The following LIMS4 variants were observed in gnomAD, a reference collection of about 807,000 sequenced individuals.
LIMS4 encodes the protein LIM and senescent cell antigen-like-containing domain protein 4.
chr2:110,362,003 C>G, the LIMS4 span: 1 of 1,172,742 alleles, frequency 8.5e-7, no homozygotes, highest in Admixed American at 2.1e-5. Flanking sequence ...GTAGTGCAGA[C>G]AGTTCTTGGT....
At chr2:110,390,175 G>C in the LIMS4 span, among the ~76,000 whole-genome samples, 184 of 132,646 alleles carry the variant, frequency 1.4e-3, no homozygotes, top group Non-Finnish European at 2.1e-3. Flanking sequence ...TGTGCTCCAA[G>C]GTTCTTAGAA....
At chr2:110,367,863 A>T in the LIMS4 span, among the ~76,000 whole-genome samples, 8 of 140,222 alleles carry the variant, frequency 5.7e-5, 2 homozygotes, top group Non-Finnish European at 1.2e-4. Context: ...AGCATAAGGG[A>T]CAGAATGAGA....
the LIMS4 span, among the ~76,000 whole-genome samples, chr2:110,379,201 T>C: frequency 6.6e-6 from 1 of 151,796 alleles, no homozygotes; most frequent in Non-Finnish European, 1.5e-5. Flanking sequence ...CTTGGTTGGT[T>C]GGTTGGTTGC....
At chr2:110,425,601 G>C in the LIMS4 span, among the ~76,000 whole-genome samples, 1 of 141,924 alleles carries the variant, frequency 7.0e-6, no homozygotes, top group East Asian at 2.0e-4. Context: ...GGTTGGCCTG[G>C]TGGAATCACC....
the LIMS4 span, chr2:110,361,115 G>T: frequency 3.3e-6 from 3 of 906,800 alleles, no homozygotes; most frequent in South Asian, 4.2e-5. Context: ...TTTTATTTCT[G>T]TTTCCTCCTC....
the LIMS4 span, chr2:110,361,997 T>C: frequency 7.0e-6 from 8 of 1,138,600 alleles, no homozygotes; most frequent in African/African-American, 1.8e-5. Context: ...CCTTGTGTAG[T>C]GCAGACAGTT....
At chr2:110,411,580 C>T in the LIMS4 span, among the ~76,000 whole-genome samples, 2 of 136,846 alleles carry the variant, frequency 1.5e-5, no homozygotes, top group African/African-American at 6.6e-5. Context: ...TCAACACTCA[C>T]GGATTTGAGA....
At chr2:110,359,540 T>C in the LIMS4 span, among the ~76,000 whole-genome samples, 1 of 16,482 alleles carries the variant, frequency 6.1e-5, no homozygotes, top group African/African-American at 8.4e-5. Flanking sequence ...GCCGGCTGCA[T>C]TGATAAGTCG....
the LIMS4 span, among the ~76,000 whole-genome samples, chr2:110,424,573 G>A: frequency 6.9e-6 from 1 of 145,124 alleles, no homozygotes; most frequent in Non-Finnish European, 1.5e-5. Flanking sequence ...GGAGGGAGAG[G>A]CCTGGAGGGA....
At chr2:110,425,751 C>T in the LIMS4 span, among the ~76,000 whole-genome samples, 1 of 140,776 alleles carries the variant, frequency 7.1e-6, no homozygotes, top group Admixed American at 6.9e-5. Context: ...TTTGAATGAG[C>T]TCGAAAGTGA....
chr2:110,361,032 C>T, the LIMS4 span: 71 of 1,512,962 alleles, frequency 4.7e-5, 2 homozygotes, highest in Non-Finnish European at 5.8e-5. Flanking sequence ...TGAGTGATTG[C>T]TCCTCTGGGA....
the LIMS4 span, among the ~76,000 whole-genome samples, chr2:110,367,742 G>A: frequency 4.5e-3 from 646 of 144,886 alleles, 3 homozygotes; most frequent in Admixed American, 0.035. Context: ...TTAGCTGGGC[G>A]TGGTGGCACA....
the LIMS4 span, among the ~76,000 whole-genome samples, chr2:110,373,772 G>A: frequency 1.3e-5 from 2 of 149,250 alleles, no homozygotes; most frequent in African/African-American, 5.2e-5. Flanking sequence ...ACTGGCCCCT[G>A]TGGTGGGTGA....
At chr2:110,424,988 G>A in the LIMS4 span, among the ~76,000 whole-genome samples, 2 of 144,192 alleles carry the variant, frequency 1.4e-5, no homozygotes, top group Non-Finnish European at 1.5e-5. Flanking sequence ...AGCCGGCAGC[G>A]ACAACTGCTT....
At chr2:110,424,517 T>C in the LIMS4 span, among the ~76,000 whole-genome samples, 5 of 143,192 alleles carry the variant, frequency 3.5e-5, 1 homozygote, top group Non-Finnish European at 6.0e-5. Flanking sequence ...GCAAAGCAGG[T>C]GGTCCTGGGC....
At chr2:110,396,151 G>A in the LIMS4 span, among the ~76,000 whole-genome samples, 5 of 106,332 alleles carry the variant, frequency 4.7e-5, no homozygotes, top group South Asian at 3.7e-4. Flanking sequence ...CACTGCGTCC[G>A]TTTACTGTCA....
the LIMS4 span, chr2:110,361,936 A>G: frequency 1.4e-6 from 2 of 1,432,220 alleles, no homozygotes; most frequent in East Asian, 2.3e-5. Flanking sequence ...ACTTCAGAGC[A>G]GCCACATCAG....
At chr2:110,433,002 C>A in the LIMS4 span, among the ~76,000 whole-genome samples, 3 of 112,720 alleles carry the variant, frequency 2.7e-5, no homozygotes, top group African/African-American at 1.0e-4. Flanking sequence ...AAGGACCTCA[C>A]CCCTCCCTGT....
chr2:110,365,738 C>A, the LIMS4 span, among the ~76,000 whole-genome samples: 1 of 132,606 alleles, frequency 7.5e-6, no homozygotes, highest in African/African-American at 3.2e-5. Flanking sequence ...ATCAATAAAA[C>A]CAGAAGTTTT....
Sources: allele counts gnomAD v4.1 joint callset (sites outside exome capture counted in the v4.1 genomes callset), GRCh38; gene constraint gnomAD v4.1.1; transcripts MANE v1.5; gene names NCBI Gene and HGNC (gene_info 2026-07-23, HGNC 2026-07-21).